The following KDM4D variants were observed in gnomAD, a reference collection of about 807,000 sequenced individuals.
The protein encoded by KDM4D is lysine-specific demethylase 4D.
For synonymous variants in KDM4D, 254 were observed against 249.1 expected (o/e 1.02, Z -0.19); for missense variants, 427 against 674.8 (o/e 0.63, Z 4.07).
chr11:94,989,753 T>TTTC (rs1392405825), intron 2 of KDM4D, among the ~76,000 whole-genome samples: 1 of 7,134 alleles, frequency 1.4e-4, no homozygotes, highest in Non-Finnish European at 4.0e-4. Context: ...TCTCTCTTTC[T>TTTC]TTTTTTTTTT....
At chr11:94,990,099 T>C (rs1857922670) in intron 2 of KDM4D, among the ~76,000 whole-genome samples, 1 of 152,162 alleles carries the variant, frequency 6.6e-6, no homozygotes, top group Non-Finnish European at 1.5e-5. Flanking sequence ...GAAAGGTCTG[T>C]CAAAGCTTTT....
intron 2 of KDM4D, among the ~76,000 whole-genome samples, chr11:94,978,802 C>T (rs184179912): frequency 1.0e-3 from 156 of 152,262 alleles, no homozygotes; most frequent in African/African-American, 3.6e-3. Flanking sequence ...CAAAAGTATT[C>T]TTAGGTTGAA....
At position 94,975,760 on chromosome 11, in the gene KDM4D, TTGAATGAATGAA is replaced by T. The variant is rs1184360900; in HGVS notation, c.-350+24_-350+35del. 2 of 152,110 alleles carry T rather than the reference TTGAATGAATGAA, an allele frequency of 1.3e-5. No individual in the cohort carries two copies. Among genetic ancestry groups the T allele is most frequent in the African/African-American group, 4.8e-5 (2 of 41,420 alleles). 9.4% of individuals were successfully genotyped at this position (152,110 alleles called of 1,614,324 possible). On this transcript the variant is annotated intron_variant, in intron 2 of 2. Transcript: ENST00000335080. Reference sequence around the variant, plus strand: ...ATAATAGGTGCTGAGTAAGTATTTGTTGAATGAATGAATGAATGAATGATGCACTATGAAGTA... The same window carrying T: ...ATAATAGGTGCTGAGTAAGTATTTGTTGAATGAATGATGCACTATGAAGTA...
intron 2 of KDM4D, among the ~76,000 whole-genome samples, chr11:94,980,315 G>A (rs1012887791): frequency 6.6e-6 from 1 of 152,070 alleles, no homozygotes; most frequent in East Asian, 1.9e-4. Context: ...CTGGAGAAGG[G>A]GCCTTGAAAT....
At chr11:94,983,564 A>G (rs1328637183) in intron 2 of KDM4D, among the ~76,000 whole-genome samples, 3 of 152,172 alleles carry the variant, frequency 2.0e-5, no homozygotes, top group East Asian at 1.9e-4. Context: ...AATTATCCCA[A>G]ACATTTAAAG....
intron 2 of KDM4D, among the ~76,000 whole-genome samples, chr11:94,984,727 CT>C (rs1640787497): frequency 6.7e-6 from 1 of 149,272 alleles, no homozygotes; most frequent in African/African-American, 2.5e-5. Context: ...ATTAGCCAGG[CT>C]TGGTGGCAGG....
intron 2 of KDM4D, among the ~76,000 whole-genome samples, chr11:94,986,827 G>C (rs1555098181): frequency 2.0e-5 from 3 of 152,070 alleles, no homozygotes; most frequent in Non-Finnish European, 4.4e-5. Context: ...ATCTACCCAA[G>C]ATAAATAAAA....
chr11:94,978,496 A>G (rs1857817237), intron 2 of KDM4D, among the ~76,000 whole-genome samples: 1 of 152,212 alleles, frequency 6.6e-6, no homozygotes, highest in Non-Finnish European at 1.5e-5. Context: ...TTGATTTTAA[A>G]TGAAGACATT....
Position 94,997,919 on chromosome 11 carries a change from G to A in KDM4D, c.547G>A (p.Gly183Ser), listed in dbSNP as rs781881012. 1 of 1,614,210 alleles carries A rather than the reference G, an allele frequency of 6.2e-7. No homozygotes were observed. The highest frequency in any genetic ancestry group is 1.7e-5 in the Admixed American group (1 of 60,030). The change falls in exon 3 of 3, where the codon GGC (glycine) becomes AGC (serine). Residue 183 changes from glycine to serine, a missense_variant. Gly to Ser is a moderately conservative substitution (Grantham distance 56). Coordinates refer to ENST00000335080, the MANE Select transcript of KDM4D (RefSeq NM_018039.3). Reference sequence around the variant, plus strand: ...CGTCAATACACCCTACTTGTACTTTGGCATGTGGAAAACCACGTTTGCTTG... The same window carrying A: ...CGTCAATACACCCTACTTGTACTTTAGCATGTGGAAAACCACGTTTGCTTG... ...EGVNTPYLYF[G>S]MWKTTFAWHT...
intron 2 of KDM4D, among the ~76,000 whole-genome samples, chr11:94,990,356 C>T (rs1389308521): frequency 6.6e-6 from 1 of 152,088 alleles, no homozygotes; most frequent in Non-Finnish European, 1.5e-5. Context: ...AGGAGAGCCT[C>T]AGATTGGTCT....
rs79675820 is a variant in KDM4D at position 94,976,958 on chromosome 11, T to C, written c.-350+1210T>C. ...TTTATCCAACAATTAATTTTATAGC[T>C]GTAGATGCCAAAAACAAGTCAATAA... On this transcript the variant is annotated intron_variant, in intron 2 of 2. Transcript: ENST00000335080. Among the ~76,000 whole-genome samples, 5 of 152,350 alleles carry C rather than the reference T, an allele frequency of 3.3e-5. No individual in the cohort carries two copies. In the East Asian group the frequency reaches 9.6e-4, roughly 29 times the overall value.
intron 2 of KDM4D, among the ~76,000 whole-genome samples, chr11:94,979,483 G>T (rs1004521380): frequency 1.4e-4 from 22 of 152,154 alleles, no homozygotes; most frequent in African/African-American, 5.3e-4. Context: ...ACCTGCCTCG[G>T]CCTTCCAAAG....
At chr11:94,982,849 G>T (rs1857853869) in intron 2 of KDM4D, among the ~76,000 whole-genome samples, 1 of 151,884 alleles carries the variant, frequency 6.6e-6, no homozygotes, top group Admixed American at 6.6e-5. Context: ...TGATATACAT[G>T]CAACAAGATC....
intron 2 of KDM4D, among the ~76,000 whole-genome samples, chr11:94,986,861 C>A (rs1857892567): frequency 6.6e-6 from 1 of 152,154 alleles, no homozygotes; most frequent in Non-Finnish European, 1.5e-5. Context: ...TAAACTTGTA[C>A]ATGAATGTTC....
At chr11:94,987,002 T>TA (rs1393492340) in intron 2 of KDM4D, among the ~76,000 whole-genome samples, 2 of 152,236 alleles carry the variant, frequency 1.3e-5, no homozygotes, top group Non-Finnish European at 2.9e-5. Flanking sequence ...AAAATACTGA[T>TA]ATATACTACA....
intron 2 of KDM4D, among the ~76,000 whole-genome samples, chr11:94,978,058 A>G (rs1237143790): frequency 6.6e-6 from 1 of 152,204 alleles, no homozygotes; most frequent in African/African-American, 2.4e-5. Flanking sequence ...CAGAAATATG[A>G]CTTTCTTTCG....
At chr11:94,988,416 C>T (rs587658800) in intron 2 of KDM4D, among the ~76,000 whole-genome samples, 4 of 152,220 alleles carry the variant, frequency 2.6e-5, no homozygotes, top group Non-Finnish European at 4.4e-5. Flanking sequence ...AGGTCAAAGC[C>T]GGAACTCAAT....
chr11:94,979,544 C>T (rs1857826736), intron 2 of KDM4D, among the ~76,000 whole-genome samples: 1 of 152,118 alleles, frequency 6.6e-6, no homozygotes, highest in Non-Finnish European at 1.5e-5. Context: ...GTGTGCATTT[C>T]TAAATGATAA....
chr11:94,998,919 G>T lies in KDM4D; in HGVS notation c.1547G>T (p.Gly516Val). The change falls in exon 3 of 3, where the codon GGG becomes GTG. Residue 516 changes from glycine (G) to valine (V), a missense_variant. Physicochemically the swap from Gly to Val is moderately radical, Grantham distance 109. Transcript: ENST00000335080. This position sits in a 1 kb window ranked among gnomAD's most constrained non-coding sequence, Gnocchi z 6.7. Reference sequence around the variant, plus strand: ...CTCCAGCATCCTGTCAAGGCTTCTGGGTGCAGCTGGGCCCCTGTGCCCTAA... The same window carrying T: ...CTCCAGCATCCTGTCAAGGCTTCTGTGTGCAGCTGGGCCCCTGTGCCCTAA... Reference protein sequence around the residue: ...PGLQHPVKASGCSWAPVP With the variant: ...PGLQHPVKASVCSWAPVP The T allele has an allele frequency of 2.0e-6, 3 of 1,511,780 alleles. No individual in the cohort carries two copies. Among genetic ancestry groups the T allele is most frequent in the Non-Finnish European group, 2.7e-6 (3 of 1,129,988 alleles). The allele number at this position is 1,511,780 out of a possible 1,614,324, so 93.6% of individuals were successfully genotyped here.
Sources: gnomAD v4.1 joint callset for allele counts (sites outside exome capture counted in the v4.1 genomes callset) on GRCh38, gnomAD v4.1.1 for gene constraint, Gnocchi (gnomAD v3.1) non-coding constraint, MANE v1.5 for transcripts, NCBI Gene and HGNC (gene_info 2026-07-23, HGNC 2026-07-21) for gene names.